Variants in SHTN1 observed in about 807,000 individuals in gnomAD.
SHTN1 encodes the protein shootin-1.
Under a neutral mutation model 83.1 loss-of-function variants are expected in SHTN1, and 42 were observed. That is an observed-to-expected ratio of 0.51 (90% CI 0.39 to 0.65). The LOEUF is 0.65. SHTN1 is among the 30% of genes least tolerant of loss of function. The pLI is 0.00. For missense variants in SHTN1, 622 were observed against 737.8 expected (o/e 0.84, Z 1.82); for synonymous variants, 224 against 247.7 (o/e 0.90, Z 0.90).
At chr10:116,888,565 G>T (rs1847235969) in intron 16 of SHTN1, among the ~76,000 whole-genome samples, 1 of 152,180 alleles carries the variant, frequency 6.6e-6, no homozygotes, top group Admixed American at 6.5e-5. Flanking sequence ...TCTCTCACAA[G>T]CACCAATCTT....
intron 2 of SHTN1, 43 bp downstream of exon 2, chr10:116,979,213 T>G: frequency 6.5e-7 from 1 of 1,541,202 alleles, no homozygotes. Flanking sequence ...CGCCTAGGCT[T>G]TTACACATGT....
chr10:117,119,856 A>AT (rs397692147), intron 1 of SHTN1, among the ~76,000 whole-genome samples: 1 of 151,150 alleles, frequency 6.6e-6, no homozygotes, highest in African/African-American at 2.5e-5. Context: ...AAAAAAAAAA[A>AT]TAAGATCCTG....
rs552406024 is a variant in SHTN1, at chr10:116,987,783, C to T, written c.59-8475G>A. Among the ~76,000 whole-genome samples the T allele has an allele frequency of 3.3e-5, 5 of 152,150 alleles. No individual in the cohort carries two copies. In the South Asian group the frequency reaches 1.0e-3, roughly 32 times the overall value. ...AACAAAAATTAGCCAGGAGTGGGGG[C>T]ATGTGCCTGTAGTCCCAGCTACCAG... On this transcript the variant is annotated intron_variant, in intron 1 of 16. Coordinates refer to ENST00000355371, the MANE Select transcript of SHTN1 (RefSeq NM_001127211.3).
chr10:117,068,107 T>A (rs1853029118), intron 1 of SHTN1, among the ~76,000 whole-genome samples: 1 of 152,094 alleles, frequency 6.6e-6, no homozygotes, highest in African/African-American at 2.4e-5. Context: ...TTAAGAGTCA[T>A]CAGGCCAGGC....
intron 16 of SHTN1, among the ~76,000 whole-genome samples, chr10:116,895,120 T>C (rs1419282946): frequency 1.3e-5 from 2 of 152,342 alleles, no homozygotes; most frequent in Admixed American, 6.5e-5. Context: ...TTAGAATGTA[T>C]GTTTTTCAAC....
intron 1 of SHTN1, among the ~76,000 whole-genome samples, chr10:117,103,082 T>TTTG (rs950943132): frequency 8.5e-5 from 13 of 152,130 alleles, no homozygotes; most frequent in South Asian, 2.1e-4. Context: ...TTGTTTTGTT[T>TTTG]TTGTTGTTGT....
At chr10:117,100,767 C>G (rs1853579934) in intron 1 of SHTN1, among the ~76,000 whole-genome samples, 1 of 152,134 alleles carries the variant, frequency 6.6e-6, no homozygotes, top group Non-Finnish European at 1.5e-5. Flanking sequence ...GATACCTGAG[C>G]TGAAGTCTAG....
At chr10:117,082,001 A>G (rs972228397) in intron 1 of SHTN1, among the ~76,000 whole-genome samples, 4 of 134,112 alleles carry the variant, frequency 3.0e-5, no homozygotes, top group South Asian at 2.7e-4. Context: ...TGGATTCATT[A>G]ATTTTTTGAA....
Position 116,940,512 on chromosome 10 carries a change from T to A in SHTN1, c.812A>T (p.Lys271Ile). The A allele has an allele frequency of 6.2e-7, 1 of 1,614,074 alleles. No homozygotes were observed. The highest frequency in any genetic ancestry group is 8.5e-7 in the Non-Finnish European group (1 of 1,179,986). ...QLLKALDENA[K>I]LTQQLEEERI... is the part of the protein sequence containing the mutation. ...CTCTTCTTCAAGTTGCTGGGTGAGT[T>A]TTGCATTTTCGTCTAAAGCTTTCAA... The change falls in exon 9 of 17, where the codon AAA (lysine) becomes ATA (isoleucine). Residue 271 changes from lysine (K) to isoleucine (I), a missense_variant. Lys to Ile is a moderately radical substitution (Grantham distance 102). Transcript: ENST00000355371.
intron 2 of SHTN1, among the ~76,000 whole-genome samples, chr10:117,019,414 G>A (rs1355401869): frequency 6.6e-6 from 1 of 151,840 alleles, no homozygotes; most frequent in East Asian, 1.9e-4. Context: ...AAACTCCTGG[G>A]CTCAGGCAAT....
At chr10:116,941,927 A>C (rs909954627) in intron 8 of SHTN1, among the ~76,000 whole-genome samples, 5 of 152,238 alleles carry the variant, frequency 3.3e-5, no homozygotes, top group Non-Finnish European at 7.3e-5. Context: ...AGCCTACAAA[A>C]CTACGACAGG....
chr10:117,058,742 G>A (rs1219195034), intron 1 of SHTN1, among the ~76,000 whole-genome samples: 1 of 152,142 alleles, frequency 6.6e-6, no homozygotes, highest in African/African-American at 2.4e-5. Flanking sequence ...AGCAACCCAA[G>A]TATCCATTGA....
intron 2 of SHTN1, among the ~76,000 whole-genome samples, chr10:117,030,331 G>C (rs1852395186): frequency 6.6e-6 from 1 of 152,126 alleles, no homozygotes; most frequent in Non-Finnish European, 1.5e-5. Flanking sequence ...ATACAGGTTA[G>C]ATCACAACAC....
intron 2 of SHTN1, among the ~76,000 whole-genome samples, chr10:116,975,215 T>C (rs988307733): frequency 2.0e-5 from 3 of 152,218 alleles, no homozygotes; most frequent in African/African-American, 7.2e-5. Context: ...CTCTAATATT[T>C]TGACAATAAA....
chr10:116,942,640 T>A (rs920972172), intron 8 of SHTN1, among the ~76,000 whole-genome samples: 2 of 152,194 alleles, frequency 1.3e-5, no homozygotes, highest in African/African-American at 4.8e-5. Context: ...GAGTTAAGAA[T>A]GGGGGGTAAC....
intron 1 of SHTN1, among the ~76,000 whole-genome samples, chr10:117,071,479 C>A (rs1005348696): frequency 2.0e-5 from 3 of 152,134 alleles, no homozygotes; most frequent in Non-Finnish European, 4.4e-5. Context: ...AATGAGGAAA[C>A]TGGGGCAAAG....
intron 1 of SHTN1, among the ~76,000 whole-genome samples, chr10:116,996,161 G>A (rs148297194): frequency 6.6e-6 from 1 of 152,242 alleles, no homozygotes; most frequent in African/African-American, 2.4e-5. Flanking sequence ...TAGTGTGAGA[G>A]AGGAAAAATA....
At chr10:117,084,462 A>T (rs929976648) in intron 1 of SHTN1, among the ~76,000 whole-genome samples, 5 of 152,190 alleles carry the variant, frequency 3.3e-5, no homozygotes, top group African/African-American at 1.2e-4. Context: ...AGGGTCATTT[A>T]AGTCTGCAGA....
intron 9 of SHTN1, among the ~76,000 whole-genome samples, chr10:116,936,920 CCTT>C (rs1484575612): frequency 2.0e-5 from 3 of 151,786 alleles, no homozygotes; most frequent in Non-Finnish European, 2.9e-5. Flanking sequence ...TATGTAATGC[CCTT>C]CTTTATCTCT....
Sources: gnomAD v4.1 joint callset for allele counts (sites outside exome capture counted in the v4.1 genomes callset) on GRCh38, gnomAD v4.1.1 for gene constraint, MANE v1.5 for transcripts, NCBI Gene and HGNC (gene_info 2026-07-23, HGNC 2026-07-21) for gene names.